The following STXBP5 variants were observed in gnomAD, a reference collection of about 807,000 sequenced individuals.
The protein encoded by STXBP5 is syntaxin binding protein 5.
Under a neutral mutation model 152.4 loss-of-function variants are expected in STXBP5, and 50 were observed. The observed-to-expected ratio is 0.33, with a 90% CI of 0.26 to 0.42. The LOEUF is 0.42. STXBP5 is among the 10% of genes least tolerant of loss of function. STXBP5 has a pLI of 1.00. For missense variants in STXBP5, 1,167 were observed against 1,388.6 expected (o/e 0.84, Z 2.54); for synonymous variants, 492 against 494.7 (o/e 0.99, Z 0.07).
At chr6:147,299,428 T>C (rs1410693440) in intron 9 of STXBP5, among the ~76,000 whole-genome samples, 2 of 151,922 alleles carry the variant, frequency 1.3e-5, no homozygotes, top group African/African-American at 4.8e-5. Context: ...TTAGTAAACA[T>C]ACAAAGAAGA....
In STXBP5 at chr6:147,320,579, G is replaced by GTGTGTGTGTGTGTGTT. The variant is rs1554297945; in HGVS notation, c.1802+4187_1802+4188insTTGTGTGTGTGTGTGT. 5.3e-3 allele frequency among the ~76,000 whole-genome samples: 783 copies of GTGTGTGTGTGTGTGTT among 149,058 alleles called. 9 individuals are homozygous for GTGTGTGTGTGTGTGTT. The highest frequency in any genetic ancestry group is 0.018 in the African/African-American group (716 of 40,344). Reference sequence around the variant, plus strand: ...TGTGTGTGTGTGTGTGTGTGTGTGTGTGTGTGTGTGTGTGTACACATGCTT... The same window carrying GTGTGTGTGTGTGTGTT: ...TGTGTGTGTGTGTGTGTGTGTGTGTGTGTGTGTGTGTGTGTTTGTGTGTGTGTGTGTACACATGCTT... On this transcript the variant is annotated intron_variant, in intron 16 of 27. Coordinates refer to ENST00000321680, the MANE Select transcript of STXBP5 (RefSeq NM_001127715.4).
intron 2 of STXBP5, among the ~76,000 whole-genome samples, chr6:147,220,658 T>G (rs773786503): frequency 2.6e-5 from 4 of 152,142 alleles, no homozygotes; most frequent in Admixed American, 6.5e-5. Context: ...TGGTCTGAAG[T>G]CTGTGTCTGA....
chr6:147,300,458 G>A (rs1482152325), intron 9 of STXBP5, among the ~76,000 whole-genome samples: 1 of 152,022 alleles, frequency 6.6e-6, no homozygotes, highest in East Asian at 1.9e-4. Context: ...GGCATAAAAA[G>A]AGATGCATAG....
intron 4 of STXBP5, among the ~76,000 whole-genome samples, chr6:147,253,096 A>C (rs1779181033): frequency 1.3e-5 from 2 of 152,250 alleles, no homozygotes; most frequent in South Asian, 2.1e-4. Flanking sequence ...GCAGCACATC[A>C]AAAAGCTTAT....
intron 2 of STXBP5, among the ~76,000 whole-genome samples, chr6:147,232,039 G>C (rs988845606): frequency 6.6e-6 from 1 of 151,794 alleles, no homozygotes; most frequent in Non-Finnish European, 1.5e-5. Context: ...ATACCATTTG[G>C]TAAGTACACT....
intron 4 of STXBP5, among the ~76,000 whole-genome samples, chr6:147,255,464 G>A (rs570841978): frequency 2.6e-5 from 4 of 152,178 alleles, no homozygotes; most frequent in African/African-American, 9.6e-5. Context: ...AATAAGGCAA[G>A]AAAGGTCTAC....
chr6:147,222,079 T>A (rs545817320), intron 2 of STXBP5, among the ~76,000 whole-genome samples: 5 of 152,302 alleles, frequency 3.3e-5, no homozygotes, highest in Admixed American at 3.3e-4. Context: ...TCTGTTAAAG[T>A]GTTTTTGGAT....
chr6:147,219,045 T>G (rs892823293), intron 2 of STXBP5, among the ~76,000 whole-genome samples: 2 of 152,102 alleles, frequency 1.3e-5, no homozygotes, highest in Non-Finnish European at 2.9e-5. Flanking sequence ...TGGAGAAGCT[T>G]TGAGTGTTTT....
At chr6:147,221,159 G>A (rs1014501834) in intron 2 of STXBP5, among the ~76,000 whole-genome samples, 7 of 151,946 alleles carry the variant, frequency 4.6e-5, no homozygotes, top group African/African-American at 1.5e-4. Flanking sequence ...GGTCATATGA[G>A]TACCTTGTAA....
chr6:147,309,395 G>T (rs996539199), intron 9 of STXBP5, among the ~76,000 whole-genome samples: 1 of 152,010 alleles, frequency 6.6e-6, no homozygotes, highest in African/African-American at 2.4e-5. Flanking sequence ...ACCATAATAT[G>T]TGAAAAAATA....
chr6:147,324,708 C>T (rs1231867398), intron 16 of STXBP5, among the ~76,000 whole-genome samples: 1 of 151,832 alleles, frequency 6.6e-6, no homozygotes, highest in Non-Finnish European at 1.5e-5. Flanking sequence ...CTTCTTCCTC[C>T]TCACCTCTTA....
At chr6:147,234,385 G>A (rs546204872) in intron 2 of STXBP5, among the ~76,000 whole-genome samples, 3 of 151,618 alleles carry the variant, frequency 2.0e-5, no homozygotes, top group Non-Finnish European at 4.4e-5. Context: ...GTTCTGTTTT[G>A]ATGTTTTTAC....
At chr6:147,304,543 C>T (rs754438194) in intron 9 of STXBP5, among the ~76,000 whole-genome samples, 2 of 152,106 alleles carry the variant, frequency 1.3e-5, no homozygotes, top group Non-Finnish European at 2.9e-5. Flanking sequence ...CCCAGTGGAA[C>T]ACTGCCTAGT....
chr6:147,292,364 C>A (rs891981727), intron 9 of STXBP5: 7 of 374,898 alleles, frequency 1.9e-5, no homozygotes, highest in African/African-American at 1.3e-4. Context: ...CATTGTGTGA[C>A]CTGTAGCATA....
At chr6:147,212,420 CTTA>C (rs769782976) in intron 2 of STXBP5, among the ~76,000 whole-genome samples, 53 of 152,212 alleles carry the variant, frequency 3.5e-4, no homozygotes, top group South Asian at 8.3e-4. Context: ...GAAGAATTGC[CTTA>C]TTATTAGGAG....
intron 9 of STXBP5, chr6:147,293,442 C>G (rs1050714837): frequency 1.3e-5 from 2 of 152,160 alleles, no homozygotes; most frequent in African/African-American, 4.8e-5. Context: ...CAGCCTAAAT[C>G]GAGAACTGTG....
intron 9 of STXBP5, among the ~76,000 whole-genome samples, chr6:147,308,505 C>CT (rs1321060826): frequency 6.6e-6 from 1 of 152,166 alleles, no homozygotes; most frequent in Non-Finnish European, 1.5e-5. Flanking sequence ...ATGGCAGGTA[C>CT]TGTTCCAGGC....
intron 2 of STXBP5, among the ~76,000 whole-genome samples, chr6:147,217,535 T>C (rs1237632447): frequency 6.6e-6 from 1 of 152,206 alleles, no homozygotes; most frequent in African/African-American, 2.4e-5. Flanking sequence ...ATGACAAATA[T>C]AATTCATTTT....
rs1264502860 is a variant in STXBP5, at chr6:147,363,322, T to C, written c.2546-13T>C. 1.3e-6 allele frequency: 2 copies of C among 1,548,108 alleles called. No homozygotes were observed. The highest frequency in any genetic ancestry group is 2.3e-5 in the East Asian group (1 of 44,430). ...AAAATATTTCAGTTATTTACTAGAC[T>C]TCTATATTTTAGGTACTATATTGAG... On this transcript the variant is annotated splice_polypyrimidine_tract_variant and intron_variant, in intron 23 of 27. Coordinates refer to ENST00000321680, the MANE Select transcript of STXBP5 (RefSeq NM_001127715.4).
Sources: allele counts gnomAD v4.1 joint callset (sites outside exome capture counted in the v4.1 genomes callset), GRCh38; gene constraint gnomAD v4.1.1; transcripts MANE v1.5; gene names NCBI Gene and HGNC (gene_info 2026-07-23, HGNC 2026-07-21).